PPP1R37: variants seen among roughly 807,000 people sequenced by gnomAD.
PPP1R37 encodes the protein protein phosphatase 1 regulatory subunit 37, also known as leucine rich repeat containing 68.
A neutral mutation model predicts 61.0 loss-of-function variants in PPP1R37; 21 were observed. That is an observed-to-expected ratio of 0.34 (90% CI 0.24 to 0.50). PPP1R37 has a LOEUF of 0.50. Among genes scored for constraint, PPP1R37 ranks in the 20% least tolerant of loss-of-function variants. The pLI is 0.98. For synonymous variants in PPP1R37, 443 were observed against 433.5 expected (o/e 1.02, Z -0.27); for missense variants, 910 against 952.7 (o/e 0.96, Z 0.59).
chr19:45,128,742 GT>G, intron 1 of PPP1R37: 1 of 760,304 alleles, frequency 1.3e-6, no homozygotes, highest in Non-Finnish European at 2.2e-6. Context: ...GGTCCACCTG[GT>G]TGGTATTGAC....
In PPP1R37 at chr19:45,104,873, G is replaced by A. The variant is rs116569087; in HGVS notation, c.202+11346G>A. Among the ~76,000 whole-genome samples the A allele has an allele frequency of 2.8e-3, 432 of 152,234 alleles. 3 individuals are homozygous for A. The highest frequency in any genetic ancestry group is 9.8e-3 in the African/African-American group (406 of 41,534). ...CCCCACATCCTGTCCTGGAAGACCG[G>A]CCCCACCTACGCACACAGGTGGCTC... On this transcript the variant is annotated intron_variant, in intron 1 of 12. Transcript: ENST00000221462.
At chr19:45,127,513 A>T (rs1338041082) in intron 1 of PPP1R37, among the ~76,000 whole-genome samples, 2 of 152,124 alleles carry the variant, frequency 1.3e-5, no homozygotes, top group Non-Finnish European at 2.9e-5. Context: ...TGTGTATATG[A>T]ACGTAGACAA....
At chr19:45,142,582 T>C (rs1968628835) in intron 7 of PPP1R37, 124 bp downstream of exon 7, 1 of 1,039,256 alleles carries the variant, frequency 9.6e-7, no homozygotes, top group Non-Finnish European at 1.4e-6. Flanking sequence ...CTGCTGGGGC[T>C]CCCAGGAGGA....
intron 1 of PPP1R37, among the ~76,000 whole-genome samples, chr19:45,127,956 C>A (rs1342756442): frequency 1.6e-5 from 2 of 127,814 alleles, no homozygotes; most frequent in Admixed American, 1.8e-4. Flanking sequence ...GCCTGGGCAA[C>A]AGAGCGAGAC....
chr19:45,127,437 T>C (rs1297114868), intron 1 of PPP1R37, among the ~76,000 whole-genome samples: 1 of 150,354 alleles, frequency 6.7e-6, no homozygotes, highest in Non-Finnish European at 1.5e-5. Context: ...GCTCTTGGGC[T>C]CCACACCTGC....
At chr19:45,143,371 T>G (rs953997720) in intron 7 of PPP1R37, 150 bp from the exon 8 acceptor site, 52 of 569,620 alleles carry the variant, frequency 9.1e-5, no homozygotes, top group South Asian at 2.5e-4. Flanking sequence ...TGCCCAGGGG[T>G]GCCAGGCCGA....
At position 45,145,497 on chromosome 19, in the gene PPP1R37, G is replaced by C. The variant is rs1968679287; in HGVS notation, c.1441G>C (p.Glu481Gln). 6.5e-7 allele frequency: 1 copy of C among 1,534,412 alleles called. No homozygotes were observed. Among genetic ancestry groups the C allele is most frequent in the African/African-American group, 1.4e-5 (1 of 72,988 alleles). ...SASMPETTAT[E>Q]PQPDDEPAAG... is the part of the protein sequence containing the mutation. ...CTCCATGCCTGAGACCACCGCCACCGAGCCCCAGCCCGACGACGAGCCCGC... is the reference window on the plus strand; with the variant it reads ...CTCCATGCCTGAGACCACCGCCACCCAGCCCCAGCCCGACGACGAGCCCGC... Residue 481 changes from glutamate to glutamine, a missense_variant, in exon 11 of 13, where the codon GAG becomes CAG. Around this residue, in one of 3 missense-constraint regions of PPP1R37, gnomAD observed 549 missense variants for 505.1 expected, o/e 1.09. Coordinates refer to ENST00000221462, the MANE Select transcript of PPP1R37 (RefSeq NM_019121.2).
At chr19:45,122,636 G>A (rs1968355919) in intron 1 of PPP1R37, among the ~76,000 whole-genome samples, 2 of 152,118 alleles carry the variant, frequency 1.3e-5, no homozygotes, top group Admixed American at 1.3e-4. Context: ...AGGTGACTTG[G>A]GAGTGAAGAC....
intron 1 of PPP1R37, among the ~76,000 whole-genome samples, chr19:45,107,922 G>T (rs553869022): frequency 1.3e-5 from 2 of 152,154 alleles, no homozygotes; most frequent in Admixed American, 6.5e-5. Context: ...AGCCATTTCC[G>T]CATTGCTGAG....
intron 1 of PPP1R37, among the ~76,000 whole-genome samples, chr19:45,126,411 C>G (rs1968405255): frequency 6.6e-6 from 1 of 152,290 alleles, no homozygotes; most frequent in African/African-American, 2.4e-5. Context: ...AGGGCAGTCA[C>G]TGCTCTGTGC....
chr19:45,111,168 C>G (rs1022559135), intron 1 of PPP1R37, among the ~76,000 whole-genome samples: 7 of 152,286 alleles, frequency 4.6e-5, no homozygotes, highest in African/African-American at 1.7e-4. Context: ...ATCTTCAGTT[C>G]CCCAAGGCTC....
Position 45,146,436 on chromosome 19 carries a change from G to A in PPP1R37, c.2040G>A (p.Leu680=). 1.3e-6 allele frequency: 2 copies of A among 1,535,886 alleles called. No individual in the cohort carries two copies. The highest frequency in any genetic ancestry group is 2.4e-5 in the South Asian group (2 of 84,052). The part of the protein sequence containing the change: ...KNEKELEELL[L]EASQESGQET... ...AGAAGGAGCTCGAGGAGCTGCTTCT[G>A]GAAGCCAGTCAGGAATCCGGGCAGG... is the stretch of plus-strand genomic sequence containing the variant. The change falls in exon 12 of 13, where the codon CTG becomes CTA. Residue 680 remains leucine, a synonymous_variant. Coordinates refer to ENST00000221462, the MANE Select transcript of PPP1R37 (RefSeq NM_019121.2).
At position 45,145,381 on chromosome 19, in the gene PPP1R37, C is replaced by T. The variant is rs770138664; in HGVS notation, c.1325C>T (p.Ala442Val). 3 of 1,535,128 alleles carry T rather than the reference C, an allele frequency of 2.0e-6. No individual in the cohort carries two copies. The highest frequency in any genetic ancestry group is 2.4e-5 in the East Asian group (1 of 40,898). The change falls in exon 11 of 13, where the codon GCG becomes GTG. Residue 442 changes from alanine (A) to valine (V), a missense_variant. Ala to Val is a moderately conservative substitution (Grantham distance 64). Around this residue, in one of 3 missense-constraint regions of PPP1R37, gnomAD observed 549 missense variants for 505.1 expected, o/e 1.09. Transcript: ENST00000221462. ...AAGAGCTTCATCGAGACGCAGAAGG[C>T]GCTGCTGGCCGAGATCCAGAACGGC... is the stretch of plus-strand genomic sequence containing the variant. ...AVKSFIETQK[A>V]LLAEIQNGCK...
At chr19:45,135,491 C>G (rs774065162) in intron 1 of PPP1R37, among the ~76,000 whole-genome samples, 2 of 152,250 alleles carry the variant, frequency 1.3e-5, no homozygotes, top group Admixed American at 1.3e-4. Context: ...AGTTCACCCA[C>G]CCTGTAAAAC....
At position 45,146,637 on chromosome 19, in the gene PPP1R37, C is replaced by A. The variant is rs557821137; in HGVS notation, c.*75C>A. The A allele has an allele frequency of 8.3e-5, 50 of 604,992 alleles. No individual in the cohort carries two copies. Among genetic ancestry groups the A allele is most frequent in the South Asian group, 4.5e-4 (23 of 50,606 alleles). 37.5% of individuals were successfully genotyped at this position (604,992 alleles called of 1,614,324 possible). A position where few individuals can be genotyped will look rare whatever the true frequency, so the allele number is the denominator to read the frequency against. Reference sequence around the variant, plus strand: ...CCATGAGAATCTGCTCACCTTCCCCCCAGCCTTCCTGAGGCCCAGGATGCC... The same window carrying A: ...CCATGAGAATCTGCTCACCTTCCCCACAGCCTTCCTGAGGCCCAGGATGCC... On this transcript the variant is annotated 3_prime_UTR_variant, in exon 13 of 13. Coordinates refer to ENST00000221462, the MANE Select transcript of PPP1R37 (RefSeq NM_019121.2).
chr19:45,129,382 C>G (rs1322400522), intron 1 of PPP1R37, among the ~76,000 whole-genome samples: 1 of 152,276 alleles, frequency 6.6e-6, no homozygotes, highest in Admixed American at 6.5e-5. Context: ...TTACTGCAAC[C>G]TCCACCTCTT....
chr19:45,102,569 T>C (rs1166958650), intron 1 of PPP1R37, among the ~76,000 whole-genome samples: 3 of 152,106 alleles, frequency 2.0e-5, no homozygotes, highest in African/African-American at 7.2e-5. Flanking sequence ...GGTTCCTGCC[T>C]CCCCCGGCTG....
chr19:45,097,572 G>C (rs1458978158), intron 1 of PPP1R37, among the ~76,000 whole-genome samples: 1 of 151,988 alleles, frequency 6.6e-6, no homozygotes, highest in Non-Finnish European at 1.5e-5. Flanking sequence ...CCCAGGGTTT[G>C]GGGATTCCTG....
rs1442796788 is a variant in PPP1R37, at chr19:45,145,345, CG to C, written c.1297-7del. ...CCTGAGAGCCCTAGCCAGGCGCTCCCGCCACAGGTGAAGAGCTTCATCGAGA... is the reference window on the plus strand; with the variant it reads ...CCTGAGAGCCCTAGCCAGGCGCTCCCCCACAGGTGAAGAGCTTCATCGAGA... On this transcript the variant is annotated splice_polypyrimidine_tract_variant and splice_region_variant and intron_variant, in intron 10 of 12. Transcript: ENST00000221462. 6.5e-7 allele frequency: 1 copy of C among 1,532,474 alleles called. No individual in the cohort carries two copies. Among genetic ancestry groups the C allele is most frequent in the African/African-American group, 1.4e-5 (1 of 72,924 alleles). 94.9% of individuals were successfully genotyped at this position (1,532,474 alleles called of 1,614,324 possible).
Sources: allele counts gnomAD v4.1 joint callset (sites outside exome capture counted in the v4.1 genomes callset), GRCh38; gene constraint gnomAD v4.1.1; regional missense constraint gnomAD v4.1.1; transcripts MANE v1.5; gene names NCBI Gene and HGNC (gene_info 2026-07-23, HGNC 2026-07-21).